SCAPER: variants seen among roughly 807,000 people sequenced by gnomAD.
SCAPER encodes S-phase cyclin A associated protein in the ER.
In SCAPER, 98 loss-of-function variants were observed where a neutral mutation model predicts 182.2. That is an observed-to-expected ratio of 0.54 (90% CI 0.46 to 0.64). SCAPER has a LOEUF of 0.64. Among genes scored for constraint, SCAPER ranks in the 30% least tolerant of loss-of-function variants. The pLI, the probability that SCAPER is intolerant of heterozygous loss-of-function variation, is 0.00. For synonymous variants in SCAPER, 605 were observed against 564.6 expected, an observed-to-expected ratio of 1.07 and a Z score of -1.01; for missense variants, 1,432 against 1,690.0, an observed-to-expected ratio of 0.85 and a Z score of 2.68.
intron 20 of SCAPER, among the ~76,000 whole-genome samples, chr15:76,689,551 T>C (rs1043291526): frequency 3.3e-5 from 5 of 152,100 alleles, no homozygotes; most frequent in African/African-American, 1.2e-4. Context: ...ACAATGAATA[T>C]AGAAGAAACT....
intron 22 of SCAPER, among the ~76,000 whole-genome samples, chr15:76,602,078 G>T: frequency 8.2e-6 from 1 of 121,416 alleles, no homozygotes; most frequent in East Asian, 2.2e-4. Flanking sequence ...TGCTGTCTAA[G>T]GGTCAACTGT....
intron 26 of SCAPER, among the ~76,000 whole-genome samples, chr15:76,432,256 G>C (rs2046919279): frequency 6.6e-6 from 1 of 152,212 alleles, no homozygotes; most frequent in African/African-American, 2.4e-5. Context: ...GCAACTGAGA[G>C]AAAGGCCAGG....
At chr15:76,527,253 A>G (rs2043281111) in intron 23 of SCAPER, among the ~76,000 whole-genome samples, 2 of 152,312 alleles carry the variant, frequency 1.3e-5, no homozygotes, top group South Asian at 4.1e-4. Context: ...AAGTTATGTC[A>G]TGGCTTTCTT....
chr15:76,806,757 T>C (rs187443941), intron 5 of SCAPER, among the ~76,000 whole-genome samples: 1 of 152,332 alleles, frequency 6.6e-6, no homozygotes, highest in Admixed American at 6.5e-5. Flanking sequence ...TTATATTTTA[T>C]AGTTTGTGTG....
At chr15:76,736,179 T>C (rs1308518931) in intron 15 of SCAPER, among the ~76,000 whole-genome samples, 1 of 152,272 alleles carries the variant, frequency 6.6e-6, no homozygotes, top group East Asian at 1.9e-4. Context: ...AACAGCATTA[T>C]GTCTAAATAA....
intron 4 of SCAPER, among the ~76,000 whole-genome samples, chr15:76,846,680 T>A (rs2070121872): frequency 6.6e-6 from 1 of 152,154 alleles, no homozygotes; most frequent in African/African-American, 2.4e-5. Context: ...AAATGGTTTT[T>A]ATCTAAAACA....
chr15:76,504,452 G>C (rs2041408477), intron 24 of SCAPER, among the ~76,000 whole-genome samples: 1 of 152,182 alleles, frequency 6.6e-6, no homozygotes, highest in South Asian at 2.1e-4. Flanking sequence ...TGCTCTTCCT[G>C]TATGGTAGGA....
At chr15:76,665,569 A>G in intron 21 of SCAPER, 84 bp downstream of exon 21, 1 of 1,443,992 alleles carries the variant, frequency 6.9e-7, no homozygotes, top group East Asian at 2.4e-5. Context: ...AAACAACTTT[A>G]AACTTTTTTT....
chr15:76,635,994 G>A (rs1443111), intron 21 of SCAPER, among the ~76,000 whole-genome samples: 1 of 152,118 alleles, frequency 6.6e-6, no homozygotes, highest in African/African-American at 2.4e-5. Context: ...ATATTCATAA[G>A]GGACATTGGT....
intron 26 of SCAPER, among the ~76,000 whole-genome samples, chr15:76,432,852 T>C (rs1439795818): frequency 6.6e-6 from 1 of 152,234 alleles, no homozygotes; most frequent in Non-Finnish European, 1.5e-5. Flanking sequence ...TCTTGTTTAT[T>C]ACATAACCTT....
chr15:76,850,726 G>C lies in SCAPER; in HGVS notation c.195+7083C>G, dbSNP rs970224831. ...AATACAAAAATCAGCTGGGCATGAT[G>C]GTGGGTACCTGTAATCCCAGCTACT... On this transcript the variant is annotated intron_variant, in intron 4 of 31. Transcript: ENST00000563290. Among the ~76,000 whole-genome samples the C allele has an allele frequency of 9.6e-4, 146 of 152,086 alleles. 3 individuals carry two copies. The highest frequency in any genetic ancestry group is 3.4e-3 in the Middle Eastern group (1 of 294).
chr15:76,893,532 A>C (rs2074270581), intron 1 of SCAPER, among the ~76,000 whole-genome samples: 1 of 152,156 alleles, frequency 6.6e-6, no homozygotes, highest in African/African-American at 2.4e-5. Context: ...AAAATCAACA[A>C]GGAAACAGTG....
chr15:76,844,271 G>GAAAAAAAAAAAAAAAAA (rs34092470), intron 4 of SCAPER, among the ~76,000 whole-genome samples: 1 of 125,352 alleles, frequency 8.0e-6, no homozygotes, highest in Non-Finnish European at 1.6e-5. Flanking sequence ...ACAGAAAGAG[G>GAAAAAAAAAAAAAAAAA]AAAAAAAAAA....
rs147582618 is a variant in SCAPER, at chr15:76,497,883, C to T, written c.2954+6976G>A. Among the ~76,000 whole-genome samples, 108 of 144,016 alleles carry T rather than the reference C, an allele frequency of 7.5e-4. 1 individual carries two copies. Among genetic ancestry groups the T allele is most frequent in the African/African-American group, 2.3e-3 (92 of 39,446 alleles). 94.5% of individuals were successfully genotyped at this position (144,016 alleles called of 152,430 possible). The stretch of plus-strand genomic sequence containing the variant: ...GCACACACCTGTAATCCCAGCTACT[C>T]GGGAGGCTGAGGCAGGAGAATTGCT... On this transcript the variant is annotated intron_variant, in intron 24 of 31. Coordinates refer to ENST00000563290, the MANE Select transcript of SCAPER (RefSeq NM_020843.4).
rs74400120 is a variant in SCAPER at position 76,643,749 on chromosome 15, A to C, written c.2645+21904T>G. On this transcript the variant is annotated intron_variant, in intron 21 of 31. Transcript: ENST00000563290. ...CTATCCTCATTTGTAACACGAGGGA[A>C]TAAAAACTAGCTAAATTTTTAGGGT... Among the ~76,000 whole-genome samples, 1,241 of 152,306 alleles carry C rather than the reference A, an allele frequency of 8.1e-3. 13 individuals carry two copies. Among genetic ancestry groups the C allele is most frequent in the African/African-American group, 0.028 (1,177 of 41,556 alleles).
intron 4 of SCAPER, among the ~76,000 whole-genome samples, chr15:76,844,996 T>A (rs1239292188): frequency 6.6e-6 from 1 of 152,020 alleles, no homozygotes; most frequent in Non-Finnish European, 1.5e-5. Flanking sequence ...ATGTTCAACA[T>A]TTTCAACATT....
At chr15:76,848,476 G>T (rs1056006888) in intron 4 of SCAPER, among the ~76,000 whole-genome samples, 3 of 151,870 alleles carry the variant, frequency 2.0e-5, no homozygotes, top group Non-Finnish European at 2.9e-5. Context: ...TGGGACTACA[G>T]GCACCCGCCA....
chr15:76,372,731 T>C (rs1210011090), intron 29 of SCAPER, among the ~76,000 whole-genome samples: 2 of 152,190 alleles, frequency 1.3e-5, no homozygotes, highest in Non-Finnish European at 2.9e-5. Flanking sequence ...AGTGTCAATA[T>C]ATGATAAACA....
chr15:76,771,934 A>G lies in SCAPER; in HGVS notation c.1056T>C (p.Asp352=), dbSNP rs1388874119. The change falls in exon 10 of 32, where the codon GAT becomes GAC. Residue 352 remains aspartate (D), a synonymous_variant. Coordinates refer to ENST00000563290, the MANE Select transcript of SCAPER (RefSeq NM_020843.4). ...EKTQFTVSTL[D]DVKNSGSIRD... Reference sequence around the variant, plus strand: ...GAATACTGCCAGAATTCTTCACATCATCCAATGTACTCACTGTGAACTAAC... The same window carrying G: ...GAATACTGCCAGAATTCTTCACATCGTCCAATGTACTCACTGTGAACTAAC... 1 of 1,610,850 alleles carries G rather than the reference A, an allele frequency of 6.2e-7. No homozygotes were observed.
Sources: allele counts gnomAD v4.1 joint callset (sites outside exome capture counted in the v4.1 genomes callset), GRCh38; gene constraint gnomAD v4.1.1; transcripts MANE v1.5; gene names NCBI Gene and HGNC (gene_info 2026-07-23, HGNC 2026-07-21).